The following VTA1 variants were observed in gnomAD, a reference collection of about 807,000 sequenced individuals.
VTA1 encodes the protein vesicle trafficking 1.
VTA1 carries 24 observed loss-of-function variants against 36.9 expected under a neutral mutation model. The ratio of observed to expected loss-of-function variants is 0.65; its 90% CI spans 0.47 to 0.91. The LOEUF is 0.91. Among genes scored for constraint, VTA1 ranks in the 40% least tolerant of loss-of-function variants. VTA1 has a pLI of 0.00. For synonymous variants in VTA1, 142 were observed against 130.2 expected, an observed-to-expected ratio of 1.09 and a Z score of -0.62; for missense variants, 393 against 377.2, an observed-to-expected ratio of 1.04 and a Z score of -0.35.
At chr6:142,201,300 A>G (rs1775680818) in intron 6 of VTA1, among the ~76,000 whole-genome samples, 1 of 151,816 alleles carries the variant, frequency 6.6e-6, no homozygotes, top group South Asian at 2.1e-4. Context: ...GTTAAGAATG[A>G]TTTATTTTCT....
At chr6:142,154,681 C>T (rs1643270478) in intron 1 of VTA1, among the ~76,000 whole-genome samples, 3 of 152,032 alleles carry the variant, frequency 2.0e-5, no homozygotes, top group Non-Finnish European at 4.4e-5. Context: ...ACAGTGATAT[C>T]TCATTGTGGT....
rs190709862 is a variant in VTA1 at position 142,203,160 on chromosome 6, A to G, written c.698-825A>G. Reference sequence around the variant, plus strand: ...TCAGTGGATATATATCCATCCCCCTAGAAACTTCCTATTTATTTTAACCTT... The same window carrying G: ...TCAGTGGATATATATCCATCCCCCTGGAAACTTCCTATTTATTTTAACCTT... On this transcript the variant is annotated intron_variant, in intron 6 of 7. Coordinates refer to ENST00000367630, the MANE Select transcript of VTA1 (RefSeq NM_016485.5). Among the ~76,000 whole-genome samples, 303 of 152,062 alleles carry G rather than the reference A, an allele frequency of 2.0e-3. 2 individuals are homozygous for G. Among genetic ancestry groups the G allele is most frequent in the African/African-American group, 6.8e-3 (283 of 41,532 alleles).
At chr6:142,159,618 A>G (rs537698914) in intron 1 of VTA1, among the ~76,000 whole-genome samples, 89 of 150,868 alleles carry the variant, frequency 5.9e-4, no homozygotes, top group African/African-American at 2.0e-3. Flanking sequence ...GGTTCAAGCA[A>G]TTTTCCTGCC....
At position 142,211,115 on chromosome 6, in the gene VTA1, A is replaced by G. The variant is rs150592647; in HGVS notation, c.778+7050A>G. Reference sequence around the variant, plus strand: ...CTCACTCACATGTGGGAGCTAAAAAAGGTGGATCTCGTGAAAATAGAGGTA... The same window carrying G: ...CTCACTCACATGTGGGAGCTAAAAAGGGTGGATCTCGTGAAAATAGAGGTA... On this transcript the variant is annotated intron_variant, in intron 7 of 7. Coordinates refer to ENST00000367630, the MANE Select transcript of VTA1 (RefSeq NM_016485.5). Among the ~76,000 whole-genome samples, 525 of 152,294 alleles carry G rather than the reference A, an allele frequency of 3.4e-3. 1 individual carries two copies. Among genetic ancestry groups the G allele is most frequent in the African/African-American group, 0.012 (495 of 41,552 alleles).
intron 4 of VTA1, among the ~76,000 whole-genome samples, chr6:142,184,102 C>A (rs564159392): frequency 5.3e-5 from 8 of 152,272 alleles, no homozygotes; most frequent in African/African-American, 1.4e-4. Context: ...CTTTCCTTAG[C>A]AATTTCTTCA....
chr6:142,199,379 A>T (rs1775633964), intron 6 of VTA1, among the ~76,000 whole-genome samples: 1 of 152,106 alleles, frequency 6.6e-6, no homozygotes, highest in African/African-American at 2.4e-5. Context: ...TATAATTTAA[A>T]TTTTACATTT....
intron 7 of VTA1, among the ~76,000 whole-genome samples, chr6:142,214,543 G>T (rs578152549): frequency 1.7e-4 from 26 of 152,204 alleles, no homozygotes; most frequent in African/African-American, 6.0e-4. Flanking sequence ...CTCCTACCAG[G>T]CCTCTCCTCC....
At position 142,223,259 on chromosome 6, in the gene VTA1, C is replaced by G. The variant is rs940528254; in HGVS notation, c.*4616C>G. 6.6e-6 allele frequency: 1 copy of G among 152,208 alleles called. No homozygotes were observed. The highest frequency in any genetic ancestry group is 1.5e-5 in the Non-Finnish European group (1 of 68,044). The allele number at this position is 152,208 out of a possible 1,614,324, so 9.4% of individuals were successfully genotyped here. On this transcript the variant is annotated 3_prime_UTR_variant, in exon 8 of 8. Coordinates refer to ENST00000367630, the MANE Select transcript of VTA1 (RefSeq NM_016485.5). ...GATCTATGACCTGAAATTGTATGGA[C>G]TGCAGCAATCCAAGGGGACACTAAG...
At chr6:142,156,178 C>G (rs1411891236) in intron 1 of VTA1, among the ~76,000 whole-genome samples, 2 of 152,090 alleles carry the variant, frequency 1.3e-5, no homozygotes, top group Non-Finnish European at 2.9e-5. Context: ...TCTGGTCCTT[C>G]TGTTACTAAG....
intron 4 of VTA1, among the ~76,000 whole-genome samples, chr6:142,179,480 A>C (rs537044617): frequency 7.2e-5 from 11 of 152,300 alleles, no homozygotes; most frequent in African/African-American, 2.4e-4. Context: ...GATGTCCACC[A>C]ACAGGGGCAC....
At chr6:142,160,031 G>C (rs888024188) in intron 1 of VTA1, among the ~76,000 whole-genome samples, 4 of 152,074 alleles carry the variant, frequency 2.6e-5, no homozygotes, top group Non-Finnish European at 4.4e-5. Context: ...GGCCTCTTTA[G>C]TAATTTTTGA....
chr6:142,190,331 A>G (rs1264717817), intron 5 of VTA1, among the ~76,000 whole-genome samples: 1 of 152,128 alleles, frequency 6.6e-6, no homozygotes, highest in African/African-American at 2.4e-5. Context: ...TTTTTTGTGT[A>G]TCTTTACAGA....
chr6:142,174,650 T>C (rs1324258878), intron 4 of VTA1, among the ~76,000 whole-genome samples: 1 of 152,158 alleles, frequency 6.6e-6, no homozygotes, highest in Non-Finnish European at 1.5e-5. Context: ...TTGTATAGTT[T>C]GGATGTTTGT....
intron 2 of VTA1, among the ~76,000 whole-genome samples, chr6:142,168,073 C>G (rs1774955269): frequency 6.6e-6 from 1 of 152,042 alleles, no homozygotes; most frequent in Non-Finnish European, 1.5e-5. Flanking sequence ...TAAATGTATT[C>G]CATGGTAAGG....
intron 1 of VTA1, among the ~76,000 whole-genome samples, chr6:142,156,016 T>C (rs1778654723): frequency 1.3e-5 from 2 of 152,202 alleles, no homozygotes; most frequent in Admixed American, 6.5e-5. Context: ...CAAAAAGTGT[T>C]AGCCAAATTG....
intron 5 of VTA1, among the ~76,000 whole-genome samples, chr6:142,197,903 T>C (rs1775585098): frequency 6.8e-6 from 1 of 146,156 alleles, no homozygotes; most frequent in Admixed American, 6.8e-5. Flanking sequence ...TGAAACCCCG[T>C]CTCTACTAAA....
chr6:142,204,372 T>C (rs1945244633), intron 7 of VTA1, among the ~76,000 whole-genome samples: 1 of 152,180 alleles, frequency 6.6e-6, no homozygotes, highest in Admixed American at 6.5e-5. Context: ...TGCTAGATTA[T>C]ATTAATTTAG....
At chr6:142,172,894 T>C (rs773220157) in intron 4 of VTA1, among the ~76,000 whole-genome samples, 13 of 151,536 alleles carry the variant, frequency 8.6e-5, no homozygotes, top group Non-Finnish European at 1.3e-4. Flanking sequence ...TAAAGAACTA[T>C]GCCTTGGGGT....
At chr6:142,151,279 T>TATAC (rs748498608) in intron 1 of VTA1, among the ~76,000 whole-genome samples, 37 of 152,202 alleles carry the variant, frequency 2.4e-4, no homozygotes, top group Non-Finnish European at 3.7e-4. Flanking sequence ...CTCTTACATT[T>TATAC]ATACATGTAT....
Sources: allele counts gnomAD v4.1 joint callset (sites outside exome capture counted in the v4.1 genomes callset), GRCh38; gene constraint gnomAD v4.1.1; transcripts MANE v1.5; gene names NCBI Gene and HGNC (gene_info 2026-07-23, HGNC 2026-07-21).